Variants in DAB1 observed in about 807,000 individuals in gnomAD.
The protein encoded by DAB1 is DAB adaptor protein 1, also known as disabled homolog 1.
In DAB1, 15 loss-of-function variants were observed where a neutral mutation model predicts 64.6. That is an observed-to-expected ratio of 0.23 (90% CI 0.16 to 0.36). The LOEUF (loss-of-function observed/expected upper bound fraction) is 0.36, where lower values mean the gene tolerates loss of function less well. DAB1 is among the 10% of genes least tolerant of loss of function. The pLI, the probability that DAB1 is intolerant of heterozygous loss-of-function variation, is 1.00. For missense variants in DAB1, 596 were observed against 706.7 expected (o/e 0.84, Z 1.78); for synonymous variants, 235 against 251.9 (o/e 0.93, Z 0.64).
chr1:57,236,170 T>C (rs1262611574), intron 2 of DAB1, among the ~76,000 whole-genome samples: 5 of 152,312 alleles, frequency 3.3e-5, no homozygotes, highest in East Asian at 1.9e-4. Flanking sequence ...CCTAGGGAGA[T>C]AGTTTGTTCA....
At chr1:58,228,925 C>T in intron 4 of DAB1, 2 of 494,536 alleles carry the variant, frequency 4.0e-6, no homozygotes, top group South Asian at 3.5e-5. Flanking sequence ...AAAATGCAAT[C>T]AAATATGCTG....
chr1:57,607,340 G>T (rs549012855), intron 7 of DAB1, among the ~76,000 whole-genome samples: 64 of 152,030 alleles, frequency 4.2e-4, no homozygotes, highest in Non-Finnish European at 8.2e-4. Flanking sequence ...TCTGTATGAC[G>T]CCTTCATCTT....
rs565848858 is a variant in DAB1, at chr1:57,911,333, A to G, written n.388-27171T>C. Among the ~76,000 whole-genome samples the G allele has an allele frequency of 4.6e-5, 7 of 152,250 alleles. No homozygotes were observed. The South Asian group carries it at 1.5e-3, about 32-fold the overall frequency. On this transcript the variant is annotated intron_variant and non_coding_transcript_variant, in intron 5 of 20. Coordinates refer to the DAB1 transcript ENST00000485760. Reference sequence around the variant, plus strand: ...GGACACCAAAATCTGCATTTCCCATATTCTCTTGCATGGTGGCTTTTGCTT... The same window carrying G: ...GGACACCAAAATCTGCATTTCCCATGTTCTCTTGCATGGTGGCTTTTGCTT...
chr1:58,350,348 G>A (rs1331362275), intron 3 of DAB1, among the ~76,000 whole-genome samples: 2 of 152,064 alleles, frequency 1.3e-5, no homozygotes, highest in African/African-American at 4.8e-5. Context: ...TGTAGATTCT[G>A]GATATTAGCC....
At chr1:57,553,730 G>A (rs550704119) in intron 7 of DAB1, among the ~76,000 whole-genome samples, 33 of 152,204 alleles carry the variant, frequency 2.2e-4, no homozygotes, top group Admixed American at 1.9e-3. Flanking sequence ...TGAGCCTAGA[G>A]AGTTGAAAAA....
At chr1:58,008,479 T>C (rs146644702) in intron 5 of DAB1, among the ~76,000 whole-genome samples, 3 of 152,144 alleles carry the variant, frequency 2.0e-5, no homozygotes, top group East Asian at 1.9e-4. Context: ...GTTAGGTATA[T>C]AGCAATTAAC....
chr1:57,727,125 C>A (rs933440817), intron 6 of DAB1, among the ~76,000 whole-genome samples: 2 of 152,198 alleles, frequency 1.3e-5, no homozygotes, highest in African/African-American at 2.4e-5. Context: ...GAGGTGACTG[C>A]AGCTGCAATT....
In DAB1 at chr1:57,300,412, G is replaced by A. The variant is rs115503220; in HGVS notation, c.-136-9246C>T. Among the ~76,000 whole-genome samples, 461 of 152,310 alleles carry A rather than the reference G, an allele frequency of 3.0e-3. 1 individual carries two copies. The highest frequency in any genetic ancestry group is 0.01 in the African/African-American group (428 of 41,574). On this transcript the variant is annotated intron_variant, in intron 1 of 14. Transcript: ENST00000371236. ...AGATGCTACAGGGTGGAGCAAGGCA[G>A]AGTTAACAGGGGGGATGCAGACGGA...
chr1:58,539,261 T>C (rs766813088), intron 1 of DAB1: 9 of 866,774 alleles, frequency 1.0e-5, no homozygotes, highest in Non-Finnish European at 1.8e-5. Context: ...ACATGGTTTC[T>C]AGCAGCAGAC....
At position 57,721,006 on chromosome 1, in the gene DAB1, G is replaced by T. The variant is rs555500987; in HGVS notation, n.552-71341C>A. Among the ~76,000 whole-genome samples, 393 of 152,280 alleles carry T rather than the reference G, an allele frequency of 2.6e-3. 1 individual carries two copies. The highest frequency in any genetic ancestry group is 4.4e-3 in the Non-Finnish European group (299 of 68,028). ...AGTGAGAGATAGGCATCTGCAAATT[G>T]CAGTCCTTCATTAGCTTGTCTGCTG... On this transcript the variant is annotated intron_variant and non_coding_transcript_variant, in intron 6 of 20. Coordinates refer to the DAB1 transcript ENST00000485760.
chr1:58,501,419 C>T (rs1645904855), intron 3 of DAB1, among the ~76,000 whole-genome samples: 1 of 152,192 alleles, frequency 6.6e-6, no homozygotes, highest in African/African-American at 2.4e-5. Context: ...CTTGTCACTC[C>T]TCCAGTCCTC....
chr1:58,395,951 A>G (rs1644518119), intron 3 of DAB1, among the ~76,000 whole-genome samples: 2 of 152,188 alleles, frequency 1.3e-5, no homozygotes, highest in Non-Finnish European at 2.9e-5. Context: ...TCCCTAGTTT[A>G]CACACAAGAA....
intron 7 of DAB1, among the ~76,000 whole-genome samples, chr1:57,553,450 A>AAG (rs1644945317): frequency 8.0e-6 from 1 of 124,692 alleles, no homozygotes; most frequent in South Asian, 2.9e-4. Context: ...AAGAGAAAGA[A>AAG]AGAAAGAAAG....
intron 7 of DAB1, among the ~76,000 whole-genome samples, chr1:57,494,377 T>C (rs1644204484): frequency 6.6e-6 from 1 of 152,158 alleles, no homozygotes; most frequent in Non-Finnish European, 1.5e-5. Context: ...AATGCACAAC[T>C]CCGGTAATAC....
intron 3 of DAB1, among the ~76,000 whole-genome samples, chr1:58,456,071 G>C (rs532836954): frequency 6.6e-6 from 1 of 152,246 alleles, no homozygotes; most frequent in Admixed American, 6.5e-5. Flanking sequence ...TAGTTTTGTG[G>C]AGATGAAATT....
chr1:57,667,354 G>C (rs1241464292), intron 6 of DAB1, among the ~76,000 whole-genome samples: 1 of 152,146 alleles, frequency 6.6e-6, no homozygotes, highest in Non-Finnish European at 1.5e-5. Context: ...TGAGTTGACA[G>C]ACACAGTAGC....
rs139671587 is a variant in DAB1, at chr1:57,003,352, C to T, written c.*16-5224G>A. Among the ~76,000 whole-genome samples, 18 of 152,316 alleles carry T rather than the reference C, an allele frequency of 1.2e-4. No homozygotes were observed. In the East Asian group the frequency reaches 3.1e-3, roughly 26 times the overall value. On this transcript the variant is annotated intron_variant, in intron 14 of 14. Coordinates refer to ENST00000371236, the MANE Select transcript of DAB1 (RefSeq NM_001365792.1). Reference sequence around the variant, plus strand: ...TTTATATACGGTCTTTCCAATGTCACATAGTCTTACTTGAGCTACACACCA... The same window carrying T: ...TTTATATACGGTCTTTCCAATGTCATATAGTCTTACTTGAGCTACACACCA...
At chr1:57,292,031 C>T (rs1036751569) in intron 1 of DAB1, among the ~76,000 whole-genome samples, 33 of 152,232 alleles carry the variant, frequency 2.2e-4, no homozygotes, top group African/African-American at 7.7e-4. Context: ...ATAGTTATAT[C>T]TGAGAGTTCT....
intron 3 of DAB1, among the ~76,000 whole-genome samples, chr1:58,384,974 A>T (rs911416077): frequency 6.6e-6 from 1 of 152,174 alleles, no homozygotes; most frequent in African/African-American, 2.4e-5. Flanking sequence ...TCTCCTTTGG[A>T]AACAACTTCA....
Sources: allele counts gnomAD v4.1 joint callset (sites outside exome capture counted in the v4.1 genomes callset), GRCh38; gene constraint gnomAD v4.1.1; transcripts MANE v1.5; gene names NCBI Gene and HGNC (gene_info 2026-07-23, HGNC 2026-07-21).